GPAT3: variants seen among roughly 807,000 people sequenced by gnomAD.
GPAT3 encodes the protein glycerol-3-phosphate acyltransferase 3, also known as 1-AGP acyltransferase 9.
GPAT3 carries 53 observed loss-of-function variants against 58.8 expected under a neutral mutation model. The observed-to-expected ratio is 0.90, with a 90% CI of 0.72 to 1.13. The LOEUF (loss-of-function observed/expected upper bound fraction) is 1.13. Ranked by LOEUF, GPAT3 falls within the 50% of genes most tolerant of loss-of-function variation. The pLI is 0.00. For missense variants in GPAT3, 511 were observed against 527.6 expected (o/e 0.97, Z 0.31); for synonymous variants, 197 against 187.4 (o/e 1.05, Z -0.42).
At chr4:83,550,152 C>G (rs1238774440) in intron 2 of GPAT3, among the ~76,000 whole-genome samples, 2 of 152,056 alleles carry the variant, frequency 1.3e-5, no homozygotes, top group Non-Finnish European at 1.5e-5. Flanking sequence ...GTGTGAGCCA[C>G]CATGCCCAGC....
chr4:83,549,626 G>C (rs575250074), intron 2 of GPAT3, among the ~76,000 whole-genome samples: 2 of 150,280 alleles, frequency 1.3e-5, no homozygotes, highest in East Asian at 3.9e-4. Flanking sequence ...TCTGCCTCCC[G>C]GGTTCCAGCA....
chr4:83,541,915 C>T (rs1724318603), intron 1 of GPAT3, among the ~76,000 whole-genome samples: 1 of 152,168 alleles, frequency 6.6e-6, no homozygotes, highest in African/African-American at 2.4e-5. Flanking sequence ...TGTCTATTTG[C>T]ATGTCCAAGT....
At chr4:83,578,314 T>C (rs1319525050) in intron 2 of GPAT3, among the ~76,000 whole-genome samples, 1 of 152,240 alleles carries the variant, frequency 6.6e-6, no homozygotes, top group Non-Finnish European at 1.5e-5. Context: ...GTCGGCTAGA[T>C]AAATTGCAGT....
intron 2 of GPAT3, among the ~76,000 whole-genome samples, chr4:83,559,631 A>G (rs1398448435): frequency 6.6e-6 from 1 of 152,132 alleles, no homozygotes; most frequent in Non-Finnish European, 1.5e-5. Context: ...AGAAAGCAGG[A>G]AAGTTCTTCA....
At chr4:83,573,435 G>A (rs1725674358) in intron 2 of GPAT3, among the ~76,000 whole-genome samples, 2 of 152,160 alleles carry the variant, frequency 1.3e-5, no homozygotes, top group Non-Finnish European at 2.9e-5. Context: ...CACTGCACCT[G>A]GCCTTAATGA....
At chr4:83,578,948 T>TTTCTTTTCTTTTCTC (rs1553946756) in intron 2 of GPAT3, among the ~76,000 whole-genome samples, 2 of 71,848 alleles carry the variant, frequency 2.8e-5, no homozygotes, top group Non-Finnish European at 5.5e-5. Context: ...TTTTCTTTTC[T>TTTCTTTTCTTTTCTC]TTTCTTTCTT....
chr4:83,574,476 A>C (rs1175299156), intron 2 of GPAT3, among the ~76,000 whole-genome samples: 2 of 148,122 alleles, frequency 1.4e-5, no homozygotes, highest in Non-Finnish European at 3.0e-5. Flanking sequence ...CAGCTTGTGC[A>C]ATTAATCGCT....
At chr4:83,544,131 A>G (rs904900268) in intron 1 of GPAT3, among the ~76,000 whole-genome samples, 1 of 152,170 alleles carries the variant, frequency 6.6e-6, no homozygotes. Context: ...CAGCAACCCT[A>G]TGGGATAGGA....
chr4:83,577,097 C>T (rs897577605), intron 2 of GPAT3, among the ~76,000 whole-genome samples: 4 of 152,208 alleles, frequency 2.6e-5, no homozygotes, highest in African/African-American at 9.6e-5. Flanking sequence ...TTATTACTTC[C>T]CAAAGTATAC....
Position 83,583,667 on chromosome 4 carries a change from G to GAAAAAAAAAAAA in GPAT3, c.479+1854_479+1865dup, listed in dbSNP as rs749976752. Reference sequence around the variant, plus strand: ...GGGTGACAGAGCGAGACTCTTGTCTGAAAAAAAAAAAAAAAAAAAAAAAAA... The same window carrying GAAAAAAAAAAAA: ...GGGTGACAGAGCGAGACTCTTGTCTGAAAAAAAAAAAAAAAAAAAAAAAAAAAAAAAAAAAAA... On this transcript the variant is annotated intron_variant, in intron 3 of 11. Transcript: ENST00000264409. Among the ~76,000 whole-genome samples the GAAAAAAAAAAAA allele has an allele frequency of 4.3e-4, 10 of 23,476 alleles. 1 individual carries two copies. Among genetic ancestry groups the GAAAAAAAAAAAA allele is most frequent in the African/African-American group, 1.3e-3 (7 of 5,232 alleles). 15.4% of individuals were successfully genotyped at this position (23,476 alleles called of 152,430 possible).
chr4:83,594,623 G>T (rs1726741682), intron 6 of GPAT3, among the ~76,000 whole-genome samples: 2 of 152,166 alleles, frequency 1.3e-5, no homozygotes, highest in Non-Finnish European at 2.9e-5. Context: ...GAAGTTAGAG[G>T]ATTGCTAGCA....
intron 2 of GPAT3, among the ~76,000 whole-genome samples, chr4:83,564,596 A>G (rs28660117): frequency 0.041 from 6,239 of 152,100 alleles, 461 homozygotes; most frequent in African/African-American, 0.14. Context: ...CTACTTGGCA[A>G]GCTGAGGTGG....
chr4:83,562,019 G>A lies in GPAT3; in HGVS notation c.208+17417G>A, dbSNP rs1725143647. 2.0e-5 allele frequency among the ~76,000 whole-genome samples: 3 copies of A among 150,310 alleles called. No individual in the cohort carries two copies. The South Asian group carries it at 6.3e-4, about 31-fold the overall frequency. On this transcript the variant is annotated intron_variant, in intron 2 of 11. Transcript: ENST00000264409. ...GTGATGAATGGAGTCATGAGCTTAA[G>A]GAAAATAAGAAACAAGGAAACAGTT...
At chr4:83,536,807 C>A in intron 1 of GPAT3, 44 bp downstream of exon 1, 2 of 1,561,616 alleles carry the variant, frequency 1.3e-6, no homozygotes, top group South Asian at 1.2e-5. Flanking sequence ...CCGCTGCGGG[C>A]TGAGAACCCG....
chr4:83,566,369 T>TTG (rs1725382430), intron 2 of GPAT3, among the ~76,000 whole-genome samples: 1 of 151,598 alleles, frequency 6.6e-6, no homozygotes. Flanking sequence ...GTAGAAATAG[T>TTG]TGTTCTTATT....
At chr4:83,555,706 G>A (rs1295149149) in intron 2 of GPAT3, among the ~76,000 whole-genome samples, 2 of 152,184 alleles carry the variant, frequency 1.3e-5, no homozygotes, top group South Asian at 2.1e-4. Context: ...CTATGGGAAC[G>A]CTCAATTTAT....
chr4:83,577,743 A>G (rs1725870741), intron 2 of GPAT3, among the ~76,000 whole-genome samples: 1 of 150,226 alleles, frequency 6.7e-6, no homozygotes, highest in Non-Finnish European at 1.5e-5. Context: ...ATCAGATTAA[A>G]CATCTTTATC....
chr4:83,550,333 G>C (rs1166133084), intron 2 of GPAT3, among the ~76,000 whole-genome samples: 1 of 152,096 alleles, frequency 6.6e-6, no homozygotes. Flanking sequence ...ACACCCAGCT[G>C]AGTTTTTCTT....
At chr4:83,586,200 C>A (rs1294049942) in intron 3 of GPAT3, among the ~76,000 whole-genome samples, 2 of 152,092 alleles carry the variant, frequency 1.3e-5, no homozygotes, top group Admixed American at 6.6e-5. Flanking sequence ...TAATGTGAAA[C>A]CTGGGATTGG....
Sources: gnomAD v4.1 joint callset for allele counts (sites outside exome capture counted in the v4.1 genomes callset) on GRCh38, gnomAD v4.1.1 for gene constraint, MANE v1.5 for transcripts, NCBI Gene and HGNC (gene_info 2026-07-23, HGNC 2026-07-21) for gene names.